Variants in PHOX2B observed in about 807,000 individuals in gnomAD.
PHOX2B encodes paired mesoderm homeobox protein 2B.
A neutral mutation model predicts 15.5 loss-of-function variants in PHOX2B; 1 was observed. That is an observed-to-expected ratio of 0.06 (90% confidence interval 0.02 to 0.31). The LOEUF is 0.31. Among genes scored for constraint, PHOX2B ranks in the 10% least tolerant of loss-of-function variants. PHOX2B has a pLI of 1.00. For missense variants in PHOX2B, 314 were observed against 436.4 expected, an observed-to-expected ratio of 0.72 and a Z score of 2.50; for synonymous variants, 206 against 190.5, an observed-to-expected ratio of 1.08 and a Z score of -0.67.
chr4:41,748,661 G>A lies in PHOX2B; in HGVS notation c.-51C>T, dbSNP rs1733991809. On this transcript the variant is annotated 5_prime_UTR_variant, in exon 1 of 3. Transcript: ENST00000226382. ...AAGTGGAAAAATGAAATAAAAGATGGATATGGAGAAGGTGGCTGGAGTGGG... is the reference window on the plus strand; with the variant it reads ...AAGTGGAAAAATGAAATAAAAGATGAATATGGAGAAGGTGGCTGGAGTGGG... 6.3e-7 allele frequency: 1 copy of A among 1,586,658 alleles called. No homozygotes were observed. Among genetic ancestry groups the A allele is most frequent in the African/African-American group, 1.3e-5 (1 of 74,444 alleles).
Position 41,746,135 on chromosome 4 carries a change from G to C in PHOX2B, c.617C>G (p.Pro206Arg), listed in dbSNP as rs587778606. ...GCCGCCTCCATTCGCCCCGCAGCTG[G>C]GGGTGGGGTTGGGATTGGGACCTGG... Reference protein sequence around the residue: ...GGPGPNPNPTPSCGANGGGGG... With the variant: ...GGPGPNPNPTRSCGANGGGGG... Residue 206 changes from proline (P) to arginine (R), a missense_variant, in exon 3 of 3, where the codon CCC becomes CGC. Coordinates refer to ENST00000226382, the MANE Select transcript of PHOX2B (RefSeq NM_003924.4). 3.7e-5 allele frequency: 60 copies of C among 1,604,220 alleles called. No homozygotes were observed. The South Asian group carries it at 5.1e-4, about 14-fold the overall frequency.
Position 41,744,424 on chromosome 4 carries a change from A to G in PHOX2B, c.*1383T>C, listed in dbSNP as rs1198829941. ...AAGAAGAGAAAAACATTATACGGTCACGTAGAGGAGACAGTCTGCACTGAT... is the reference window on the plus strand; with the variant it reads ...AAGAAGAGAAAAACATTATACGGTCGCGTAGAGGAGACAGTCTGCACTGAT... On this transcript the variant is annotated 3_prime_UTR_variant, in exon 3 of 3. Coordinates refer to ENST00000226382, the MANE Select transcript of PHOX2B (RefSeq NM_003924.4). The G allele has an allele frequency of 1.7e-5, 4 of 231,784 alleles. No individual in the cohort carries two copies. The highest frequency in any genetic ancestry group is 8.8e-5 in the African/African-American group (4 of 45,232). 14.4% of individuals were successfully genotyped at this position (231,784 alleles called of 1,614,324 possible). A position where few individuals can be genotyped will look rare whatever the true frequency, so the allele number is the denominator to read the frequency against.
At chr4:41,746,498 G>A (rs1404070836) in intron 2 of PHOX2B, among the ~76,000 whole-genome samples, 176 bp from the exon 3 acceptor site, 1 of 152,136 alleles carries the variant, frequency 6.6e-6, no homozygotes, top group African/African-American at 2.4e-5. Flanking sequence ...TCTTATTGCT[G>A]TGCATTTTCG....
chr4:41,745,997 G>GCCA lies in PHOX2B; in HGVS notation c.754_755insTGG (p.Ala251_Ala252insVal). ...AGCTGCCGCCGCTGCCGCTGCCGCC[G>GCCA]CCGCCGCTGCCGCGGCCGCCGCCGC... On this transcript the variant is annotated inframe_insertion, in exon 3 of 3. Coordinates refer to ENST00000226382, the MANE Select transcript of PHOX2B (RefSeq NM_003924.4). This position sits in a 1 kb window ranked among gnomAD's most constrained non-coding sequence, Gnocchi z 4.0. 1 of 1,172,098 alleles carries GCCA rather than the reference G, an allele frequency of 8.5e-7. No homozygotes were observed. The highest frequency in any genetic ancestry group is 1.1e-6 in the Non-Finnish European group (1 of 948,974). The allele number at this position is 1,172,098 out of a possible 1,614,324, so 72.6% of individuals were successfully genotyped here.
chr4:41,747,661 A>G (rs776318014), intron 1 of PHOX2B, 125 bp from the exon 2 acceptor site: 1 of 791,078 alleles, frequency 1.3e-6, no homozygotes, highest in South Asian at 1.4e-5. Flanking sequence ...CGCGCGAGAG[A>G]GTTGCCGAGA....
chr4:41,744,198 TA>T lies in PHOX2B; in HGVS notation c.*1608del, dbSNP rs1209458923. 1 of 208,648 alleles carries T rather than the reference TA, an allele frequency of 4.8e-6. No individual in the cohort carries two copies. Among genetic ancestry groups the T allele is most frequent in the Admixed American group, 5.9e-5 (1 of 16,828 alleles). 12.9% of individuals were successfully genotyped at this position (208,648 alleles called of 1,614,324 possible). ...ATAGAAGCATTCATTATAACACATATAAATAAATTCAAAAATCTGAAACATA... is the reference window on the plus strand; with the variant it reads ...ATAGAAGCATTCATTATAACACATATAATAAATTCAAAAATCTGAAACATA... On this transcript the variant is annotated 3_prime_UTR_variant, in exon 3 of 3. Transcript: ENST00000226382.
intron 1 of PHOX2B, 200 bp downstream of exon 1, chr4:41,748,170 G>T: frequency 1.6e-6 from 1 of 610,898 alleles, no homozygotes; most frequent in Non-Finnish European, 2.8e-6. Context: ...TTGGCGGTTC[G>T]GGTGTGACTA....
chr4:41,746,060 C>G lies in PHOX2B; in HGVS notation c.692G>C (p.Gly231Ala). 2 of 1,355,860 alleles carry G rather than the reference C, an allele frequency of 1.5e-6. No individual in the cohort carries two copies. Among genetic ancestry groups the G allele is most frequent in the South Asian group, 1.9e-5 (1 of 53,692 alleles). 84.0% of individuals were successfully genotyped at this position (1,355,860 alleles called of 1,614,324 possible). A position where few individuals can be genotyped will look rare whatever the true frequency, so the allele number is the denominator to read the frequency against. Residue 231 changes from glycine (G) to alanine (A), a missense_variant, in exon 3 of 3, where the codon GGC (glycine) becomes GCC (alanine). Gly to Ala is a moderately conservative substitution (Grantham distance 60). This residue lies in a region of PHOX2B where 157 missense variants were observed against 169.0 expected (regional missense o/e 0.93). Coordinates refer to ENST00000226382, the MANE Select transcript of PHOX2B (RefSeq NM_003924.4). Reference protein sequence around the residue: ...AGAPGAAGPGGPGGEPGKGGA... With the variant: ...AGAPGAAGPGAPGGEPGKGGA... ...GCCCTTGCCGGGTTCGCCTCCCGGG[C>G]CCCCGGGCCCCGCCGCCCCCGGAGC...
chr4:41,745,790 C>G lies in PHOX2B; in HGVS notation c.*17G>C, dbSNP rs759556353. ...CGCCCGCTGTCGCCGCCGCCGCCGC[C>G]GCCGCAGGATTCCAGATCAGAACAT... On this transcript the variant is annotated 3_prime_UTR_variant, in exon 3 of 3. Transcript: ENST00000226382. This position sits in a 1 kb window ranked among gnomAD's most constrained non-coding sequence, Gnocchi z 4.0. 1.2e-6 allele frequency: 2 copies of G among 1,601,178 alleles called. No individual in the cohort carries two copies. Among genetic ancestry groups the G allele is most frequent in the African/African-American group, 2.7e-5 (2 of 74,306 alleles).
chr4:41,747,754 C>T, intron 1 of PHOX2B: 1 of 693,728 alleles, frequency 1.4e-6, no homozygotes, highest in African/African-American at 1.7e-5. Flanking sequence ...TCCTTTCTGG[C>T]ACAAGCGCCT....
At position 41,745,889 on chromosome 4, in the gene PHOX2B, C is replaced by G; in HGVS notation, c.863G>C (p.Gly288Ala). ...GPITSIPDSL[G>A]GPFASVLSSL... is the part of the protein sequence containing the mutation. ...AGATAGGACGCTGGCGAAGGGACCC[C>G]CAAGCGAATCCGGGATGGAGGTGAT... is the stretch of plus-strand genomic sequence containing the variant. Residue 288 changes from glycine to alanine, a missense_variant, in exon 3 of 3, where the codon GGG (glycine) becomes GCG (alanine). Physicochemically the swap from Gly to Ala is moderately conservative, Grantham distance 60. This residue lies in a region of PHOX2B where 157 missense variants were observed against 169.0 expected (regional missense o/e 0.93). Coordinates refer to ENST00000226382, the MANE Select transcript of PHOX2B (RefSeq NM_003924.4). The surrounding 1 kb of genome is among the most constrained non-coding windows in gnomAD (Gnocchi z 4.0). 1 of 1,608,362 alleles carries G rather than the reference C, an allele frequency of 6.2e-7. No individual in the cohort carries two copies. Among genetic ancestry groups the G allele is most frequent in the Non-Finnish European group, 8.5e-7 (1 of 1,177,476 alleles).
At position 41,748,672 on chromosome 4, in the gene PHOX2B, G is replaced by A; in HGVS notation, c.-62C>T. On this transcript the variant is annotated 5_prime_UTR_variant, in exon 1 of 3. Coordinates refer to ENST00000226382, the MANE Select transcript of PHOX2B (RefSeq NM_003924.4). Reference sequence around the variant, plus strand: ...TGAAATAAAAGATGGATATGGAGAAGGTGGCTGGAGTGGGGAGATGTGCAC... The same window carrying A: ...TGAAATAAAAGATGGATATGGAGAAAGTGGCTGGAGTGGGGAGATGTGCAC... The A allele has an allele frequency of 3.2e-6, 5 of 1,543,568 alleles. No homozygotes were observed. In the East Asian group the frequency reaches 6.8e-5, roughly 21 times the overall value.
chr4:41,746,848 T>G (rs1218809436), intron 2 of PHOX2B, among the ~76,000 whole-genome samples: 6 of 152,244 alleles, frequency 3.9e-5, no homozygotes, highest in African/African-American at 1.4e-4. Context: ...AGCGCACCTG[T>G]GTTTAACAGG....
intron 2 of PHOX2B, 59 bp from the exon 3 acceptor site, chr4:41,746,381 G>T: frequency 1.3e-6 from 2 of 1,563,578 alleles, no homozygotes; most frequent in Non-Finnish European, 8.7e-7. Flanking sequence ...AAATGGGAAA[G>T]AAAAGCACCG....
Position 41,744,673 on chromosome 4 carries a change from T to C in PHOX2B, c.*1134A>G. The C allele has an allele frequency of 4.3e-6, 1 of 233,454 alleles. No individual in the cohort carries two copies. The highest frequency in any genetic ancestry group is 8.5e-6 in the Non-Finnish European group (1 of 117,968). 14.5% of individuals were successfully genotyped at this position (233,454 alleles called of 1,614,324 possible). A position where few individuals can be genotyped will look rare whatever the true frequency, so the allele number is the denominator to read the frequency against. On this transcript the variant is annotated 3_prime_UTR_variant, in exon 3 of 3. Coordinates refer to ENST00000226382, the MANE Select transcript of PHOX2B (RefSeq NM_003924.4). ...CCAGTTCGGATCATTCCAACAGAAA[T>C]GCAAACCGAGACACCCCTGCAAACG...
chr4:41,748,658 A>T lies in PHOX2B; in HGVS notation c.-48T>A. On this transcript the variant is annotated 5_prime_UTR_variant, in exon 1 of 3. Transcript: ENST00000226382. ...GCCAAGTGGAAAAATGAAATAAAAG[A>T]TGGATATGGAGAAGGTGGCTGGAGT... The T allele has an allele frequency of 6.3e-7, 1 of 1,590,702 alleles. No homozygotes were observed. The highest frequency in any genetic ancestry group is 8.6e-7 in the Non-Finnish European group (1 of 1,161,052).
Position 41,744,766 on chromosome 4 carries a change from C to T in PHOX2B, c.*1041G>A. 1 of 233,544 alleles carries T rather than the reference C, an allele frequency of 4.3e-6. No individual in the cohort carries two copies. The highest frequency in any genetic ancestry group is 5.6e-5 in the Admixed American group (1 of 17,784). 14.5% of individuals were successfully genotyped at this position (233,544 alleles called of 1,614,324 possible). A position where few individuals can be genotyped will look rare whatever the true frequency, so the allele number is the denominator to read the frequency against. ...CAGTTACGTGGACTGCAATTGACCC[C>T]AATCCAAAGCAGTGCCAAAAAGTTC... On this transcript the variant is annotated 3_prime_UTR_variant, in exon 3 of 3. Coordinates refer to ENST00000226382, the MANE Select transcript of PHOX2B (RefSeq NM_003924.4).
intron 1 of PHOX2B, 91 bp from the exon 2 acceptor site, chr4:41,747,627 C>T: frequency 9.5e-7 from 1 of 1,056,382 alleles, no homozygotes; most frequent in Non-Finnish European, 1.5e-6. Context: ...AAGGTCAGGT[C>T]ATACGGCAGC....
rs776614949 is a variant in PHOX2B at position 41,748,364 on chromosome 4, C to T, written c.241+6G>A. On this transcript the variant is annotated splice_donor_region_variant and intron_variant, in intron 1 of 2. Coordinates refer to ENST00000226382, the MANE Select transcript of PHOX2B (RefSeq NM_003924.4). Reference sequence around the variant, plus strand: ...TTCCTCCGCTGAGAAAGCTGAAGGTCCTTACCTGCGGCGTACGGACTGCTC... The same window carrying T: ...TTCCTCCGCTGAGAAAGCTGAAGGTTCTTACCTGCGGCGTACGGACTGCTC... 2 of 1,614,058 alleles carry T rather than the reference C, an allele frequency of 1.2e-6. No individual in the cohort carries two copies. Among genetic ancestry groups the T allele is most frequent in the Non-Finnish European group, 1.7e-6 (2 of 1,180,012 alleles).
Sources: allele counts gnomAD v4.1 joint callset (sites outside exome capture counted in the v4.1 genomes callset), GRCh38; gene constraint gnomAD v4.1.1; regional missense constraint gnomAD v4.1.1; non-coding constraint Gnocchi (gnomAD v3.1); transcripts MANE v1.5; gene names NCBI Gene and HGNC (gene_info 2026-07-23, HGNC 2026-07-21).